UTP4: variants seen among roughly 807,000 people sequenced by gnomAD.
UTP4 encodes the protein UTP4 small subunit processome component, also known as U3 small nucleolar RNA-associated protein 4 homolog.
UTP4 carries 45 observed loss-of-function variants against 82.4 expected under a neutral mutation model. The ratio of observed to expected loss-of-function variants is 0.55; its 90% CI spans 0.43 to 0.70. The LOEUF is 0.70. Ranked by LOEUF, UTP4 falls within the 30% of genes least tolerant of loss-of-function variation. The pLI, the probability that UTP4 is intolerant of heterozygous loss-of-function variation, is 0.00. For missense variants in UTP4, 819 were observed against 858.3 expected (o/e 0.95, Z 0.57); for synonymous variants, 348 against 300.3 (o/e 1.16, Z -1.64).
At chr16:69,160,155 T>C (rs978899477) in intron 12 of UTP4, among the ~76,000 whole-genome samples, 13 of 152,236 alleles carry the variant, frequency 8.5e-5, no homozygotes, top group African/African-American at 2.2e-4. Flanking sequence ...CTGGACCTTC[T>C]TTACAGGCGG....
At chr16:69,138,739 T>G (rs1251389190) in intron 4 of UTP4, among the ~76,000 whole-genome samples, 1 of 152,140 alleles carries the variant, frequency 6.6e-6, no homozygotes, top group Non-Finnish European at 1.5e-5. Flanking sequence ...ACTCTGTCAG[T>G]GTAGTGCAAA....
chr16:69,134,806 C>G (rs1643912250), intron 2 of UTP4, among the ~76,000 whole-genome samples: 1 of 149,718 alleles, frequency 6.7e-6, no homozygotes, highest in Non-Finnish European at 1.5e-5. Flanking sequence ...TCTCCTGCCT[C>G]AGCCTTCCAA....
At chr16:69,160,506 G>A (rs1235237153) in intron 13 of UTP4, 44 bp downstream of exon 13, 2 of 1,402,250 alleles carry the variant, frequency 1.4e-6, no homozygotes, top group East Asian at 2.3e-5. Context: ...CATTGTACAG[G>A]AGCCAGTTCA....
At chr16:69,141,870 G>C (rs996525472) in intron 5 of UTP4, among the ~76,000 whole-genome samples, 12 of 149,460 alleles carry the variant, frequency 8.0e-5, no homozygotes, top group Admixed American at 6.0e-4. Context: ...TAAGTTTTAG[G>C]GTACATGTGC....
At chr16:69,134,236 G>A (rs958586287) in intron 2 of UTP4, among the ~76,000 whole-genome samples, 1 of 151,960 alleles carries the variant, frequency 6.6e-6, no homozygotes, top group Non-Finnish European at 1.5e-5. Context: ...TGACTGTTAT[G>A]TACTGGGTGC....
chr16:69,149,372 C>T (rs1370979577), intron 6 of UTP4, among the ~76,000 whole-genome samples: 1 of 151,668 alleles, frequency 6.6e-6, no homozygotes, highest in Non-Finnish European at 1.5e-5. Context: ...AAGAGTGAAA[C>T]TCTGTCTCAA....
At chr16:69,133,670 G>C (rs1962720628) in intron 2 of UTP4, 52 bp downstream of exon 2, 9 of 1,576,290 alleles carry the variant, frequency 5.7e-6, no homozygotes, top group Non-Finnish European at 7.9e-6. Context: ...TTCTTCTGAA[G>C]TTCAAGAAGC....
chr16:69,140,406 C>T (rs1962926693), intron 5 of UTP4, among the ~76,000 whole-genome samples: 1 of 152,028 alleles, frequency 6.6e-6, no homozygotes, highest in South Asian at 2.1e-4. Context: ...TCTGTATTTC[C>T]GTCTGAGATG....
At chr16:69,143,109 T>C in intron 5 of UTP4, 69 bp from the exon 6 acceptor site, 2 of 1,529,406 alleles carry the variant, frequency 1.3e-6, no homozygotes, top group Admixed American at 1.7e-5. Context: ...CCTTCCACTT[T>C]GGCCGCAGGC....
chr16:69,144,842 A>G (rs1019915044), intron 6 of UTP4, among the ~76,000 whole-genome samples: 1 of 152,186 alleles, frequency 6.6e-6, no homozygotes, highest in African/African-American at 2.4e-5. Context: ...TAATTATTAT[A>G]CTTAAGAGTT....
chr16:69,148,188 C>G (rs1056011161), intron 6 of UTP4, among the ~76,000 whole-genome samples: 1 of 152,090 alleles, frequency 6.6e-6, no homozygotes, highest in African/African-American at 2.4e-5. Context: ...GTCTTGATCT[C>G]CTGACCTTGT....
intron 13 of UTP4, 136 bp downstream of exon 13, chr16:69,160,598 CTTTTTTTTTTTTTTTT>C: frequency 1.7e-6 from 1 of 576,226 alleles, no homozygotes; most frequent in South Asian, 2.0e-5. Context: ...CTTTTCTTTT[CTTTTTTTTTTTTTTTT>C]GAGACAAAGT....
At position 69,165,396 on chromosome 16, in the gene UTP4, A is replaced by C; in HGVS notation, c.1703A>C (p.Gln568Pro). The change falls in exon 15 of 17, where the codon CAG becomes CCG. Residue 568 changes from glutamine (Q) to proline (P), a missense_variant. Physicochemically the swap from Gln to Pro is moderately conservative, Grantham distance 76 (BLOSUM62 -1). Coordinates refer to ENST00000314423, the MANE Select transcript of UTP4 (RefSeq NM_032830.3). ...TATACAGATTGGAGCCGGACTGTCC[A>C]GAAGCAGGGCTTTCACCACCTTTGG... ...KQYTDWSRTVQKQGFHHLWLQ... is the reference protein window; with the variant it reads ...KQYTDWSRTVPKQGFHHLWLQ... The C allele has an allele frequency of 6.2e-7, 1 of 1,614,130 alleles. No homozygotes were observed. The highest frequency in any genetic ancestry group is 8.5e-7 in the Non-Finnish European group (1 of 1,180,018).
intron 5 of UTP4, among the ~76,000 whole-genome samples, chr16:69,141,758 T>C (rs924399896): frequency 4.6e-5 from 7 of 151,760 alleles, no homozygotes; most frequent in African/African-American, 2.4e-5. Context: ...AGTTCTTTTT[T>C]TTCGTGAATC....
In UTP4 at chr16:69,167,272, A is replaced by G. The variant is rs563869928; in HGVS notation, c.1944+87A>G. ...AACTCCACAATCGGAAGATAAGAGCACCTTCAGTTTCCATGCAGAGAACCT... is the reference window on the plus strand; with the variant it reads ...AACTCCACAATCGGAAGATAAGAGCGCCTTCAGTTTCCATGCAGAGAACCT... On this transcript the variant is annotated intron_variant, in intron 16 of 16. Transcript: ENST00000314423. 75 of 889,500 alleles carry G rather than the reference A, an allele frequency of 8.4e-5. 1 individual carries two copies. The highest frequency in any genetic ancestry group is 5.7e-4 in the South Asian group (42 of 73,236). The allele number at this position is 889,500 out of a possible 1,614,324, so 55.1% of individuals were successfully genotyped here.
chr16:69,152,719 T>C (rs1222686051), intron 8 of UTP4, among the ~76,000 whole-genome samples: 1 of 152,066 alleles, frequency 6.6e-6, no homozygotes, highest in East Asian at 1.9e-4. Context: ...GTGATCCACC[T>C]GCCTTGGCCT....
chr16:69,142,297 C>A (rs1182798279), intron 5 of UTP4: 1 of 152,274 alleles, frequency 6.6e-6, no homozygotes, highest in African/African-American at 2.4e-5. Context: ...ATTCTCCTGC[C>A]TGGTGAGTAT....
At chr16:69,141,722 G>C (rs971562027) in intron 5 of UTP4, among the ~76,000 whole-genome samples, 4 of 151,082 alleles carry the variant, frequency 2.6e-5, no homozygotes, top group Admixed American at 6.6e-5. Context: ...ATCCTCTATT[G>C]AGTTTTTCAT....
At chr16:69,135,582 G>A (rs1962789573) in intron 2 of UTP4, among the ~76,000 whole-genome samples, 1 of 152,260 alleles carries the variant, frequency 6.6e-6, no homozygotes, top group Non-Finnish European at 1.5e-5. Context: ...TAGGTGTGGT[G>A]TTGTATGCCC....
Sources: gnomAD v4.1 joint callset for allele counts (sites outside exome capture counted in the v4.1 genomes callset) on GRCh38, gnomAD v4.1.1 for gene constraint, MANE v1.5 for transcripts, NCBI Gene and HGNC (gene_info 2026-07-23, HGNC 2026-07-21) for gene names.